ATP2A2: variants seen among roughly 807,000 people sequenced by gnomAD.
ATP2A2 encodes sarcoplasmic/endoplasmic reticulum calcium ATPase 2.
Under a neutral mutation model 109.3 loss-of-function variants are expected in ATP2A2, and 14 were observed. The ratio of observed to expected loss-of-function variants is 0.13; its 90% confidence interval spans 0.08 to 0.20. ATP2A2 has a LOEUF of 0.20. Among genes scored for constraint, ATP2A2 ranks in the 10% least tolerant of loss-of-function variants. The probability of loss-of-function intolerance (pLI) is 1.00; values close to 1 mark genes in which losing one functional copy is unlikely to be tolerated. For synonymous variants in ATP2A2, 506 were observed against 490.9 expected (o/e 1.03, Z -0.41); for missense variants, 657 against 1,321.6 (o/e 0.50, Z 7.80).
Position 110,340,891 on chromosome 12 carries a change from A to G in ATP2A2, c.1994A>G (p.Gln665Arg). The G allele has an allele frequency of 6.2e-7, 1 of 1,614,242 alleles. No individual in the cohort carries two copies. Among genetic ancestry groups the G allele is most frequent in the Middle Eastern group, 1.6e-4 (1 of 6,062 alleles). ...REFDELNPSAQRDACLNARCF... is the reference protein window; with the variant it reads ...REFDELNPSARRDACLNARCF... ...TTTGATGAACTCAACCCCTCCGCCC[A>G]GCGAGACGCCTGCCTGAACGCCCGC... The change falls in exon 14 of 20, where the codon CAG (glutamine) becomes CGG (arginine). Residue 665 changes from glutamine to arginine, a missense_variant. Transcript: ENST00000539276. The surrounding 1 kb of genome is among the most constrained non-coding windows in gnomAD (Gnocchi z 6.0).
Position 110,327,630 on chromosome 12 carries a change from G to A in ATP2A2, c.708G>A (p.Arg236=), listed in dbSNP as rs1338263509. 4.3e-6 allele frequency: 7 copies of A among 1,614,112 alleles called. No individual in the cohort carries two copies. Among genetic ancestry groups the A allele is most frequent in the Non-Finnish European group, 5.9e-6 (7 of 1,180,038 alleles). ...TGVNTEIGKI[R]DEMVATEQER... ...TTAACACCGAAATTGGCAAGATCCG[G>A]GATGAAATGGTGGCAACAGAACAGG... The change falls in exon 8 of 20, where the codon CGG becomes CGA. Residue 236 remains arginine (R), a synonymous_variant. Coordinates refer to ENST00000539276, the MANE Select transcript of ATP2A2 (RefSeq NM_170665.4). This position sits in a 1 kb window ranked among gnomAD's most constrained non-coding sequence, Gnocchi z 4.4.
Position 110,349,888 on chromosome 12 carries a change from G to T in ATP2A2, c.*3418G>T, listed in dbSNP as rs988110534. On this transcript the variant is annotated 3_prime_UTR_variant, in exon 20 of 20. Coordinates refer to ENST00000539276, the MANE Select transcript of ATP2A2 (RefSeq NM_170665.4). ...GCAGGCGAGCAGCCAGAAGCCGGGTGCCCACAGGGCAGGGACAGGAAGGCT... is the reference window on the plus strand; with the variant it reads ...GCAGGCGAGCAGCCAGAAGCCGGGTTCCCACAGGGCAGGGACAGGAAGGCT... 49 of 1,062,320 alleles carry T rather than the reference G, an allele frequency of 4.6e-5. No homozygotes were observed. The highest frequency in any genetic ancestry group is 5.1e-5 in the Non-Finnish European group (45 of 877,186). 65.8% of individuals were successfully genotyped at this position (1,062,320 alleles called of 1,614,324 possible). A position where few individuals can be genotyped will look rare whatever the true frequency, so the allele number is the denominator to read the frequency against.
Position 110,281,735 on chromosome 12 carries a change from C to CGGAGGCGAGGAGGCCGCGGGGACG in ATP2A2, c.-44_-21dup. ...ACGAGCCCGCGGCCGGAGTGCGAGG[C>CGGAGGCGAGGAGGCCGCGGGGACG]GGAGGCGAGGAGGCCGCGGGGACGG... On this transcript the variant is annotated 5_prime_UTR_variant, in exon 1 of 20. Coordinates refer to ENST00000539276, the MANE Select transcript of ATP2A2 (RefSeq NM_170665.4). 1 of 1,308,996 alleles carries CGGAGGCGAGGAGGCCGCGGGGACG rather than the reference C, an allele frequency of 7.6e-7. No individual in the cohort carries two copies. The highest frequency in any genetic ancestry group is 2.9e-5 in the Admixed American group (1 of 34,238). The allele number at this position is 1,308,996 out of a possible 1,614,324, so 81.1% of individuals were successfully genotyped here.
rs755846570 is a variant in ATP2A2 at position 110,342,285 on chromosome 12, A to G, written c.2155A>G (p.Met719Val). The part of the protein sequence containing the change: ...ALKKAEIGIA[M>V]GSGTAVAKTA... ...GAAGAAAGCCGAGATTGGCATTGCT[A>G]TGGGCTCTGGCACTGCGGTGGCTAA... Residue 719 changes from methionine to valine, a missense_variant, in exon 15 of 20, where the codon ATG (methionine) becomes GTG (valine). Physicochemically the swap from Met to Val is conservative, Grantham distance 21. Around this residue, in one of 9 missense-constraint regions of ATP2A2, gnomAD observed 50 missense variants for 176.9 expected, o/e 0.28. Coordinates refer to ENST00000539276, the MANE Select transcript of ATP2A2 (RefSeq NM_170665.4). This position sits in a 1 kb window ranked among gnomAD's most constrained non-coding sequence, Gnocchi z 4.6. 21 of 1,614,252 alleles carry G rather than the reference A, an allele frequency of 1.3e-5. No homozygotes were observed. Among genetic ancestry groups the G allele is most frequent in the Non-Finnish European group, 1.6e-5 (19 of 1,180,048 alleles).
intron 18 of ATP2A2, 42 bp downstream of exon 18, chr12:110,345,424 T>C: frequency 1.2e-6 from 2 of 1,613,156 alleles, no homozygotes; most frequent in Non-Finnish European, 1.7e-6. Context: ...GCATGGTGAC[T>C]GCCAGGGCAC....
At chr12:110,326,606 G>A in intron 7 of ATP2A2, 131 bp downstream of exon 7, 3 of 973,264 alleles carry the variant, frequency 3.1e-6, no homozygotes, top group South Asian at 1.4e-5. Context: ...GTCAGTCTTA[G>A]GTGTCAGAAT....
intron 5 of ATP2A2, among the ~76,000 whole-genome samples, chr12:110,310,196 A>T (rs747516190): frequency 1.3e-5 from 2 of 150,366 alleles, no homozygotes; most frequent in Non-Finnish European, 3.0e-5. Context: ...CATGTTGGCC[A>T]GGCTGGTCTC....
At position 110,327,511 on chromosome 12, in the gene ATP2A2, T is replaced by C; in HGVS notation, c.631-42T>C. 1 of 1,567,710 alleles carries C rather than the reference T, an allele frequency of 6.4e-7. No individual in the cohort carries two copies. The highest frequency in any genetic ancestry group is 8.8e-7 in the Non-Finnish European group (1 of 1,137,718). On this transcript the variant is annotated intron_variant, in intron 7 of 19. Coordinates refer to ENST00000539276, the MANE Select transcript of ATP2A2 (RefSeq NM_170665.4). The surrounding 1 kb of genome is among the most constrained non-coding windows in gnomAD (Gnocchi z 4.4). ...ACCAGCGTCGGTATTTAAGTTGGGA[T>C]GTGGTATTCATCTTGTGACCAGTTC...
Position 110,349,825 on chromosome 12 carries a change from A to G in ATP2A2, c.*3355A>G. On this transcript the variant is annotated 3_prime_UTR_variant, in exon 20 of 20. Transcript: ENST00000539276. ...GGCTTCACCCTCCTTTACTGAGGAG[A>G]ATGATGCGGAGGAGTTTCCTCTCCA... 9.6e-7 allele frequency: 1 copy of G among 1,042,508 alleles called. No homozygotes were observed. The allele number at this position is 1,042,508 out of a possible 1,614,324, so 64.6% of individuals were successfully genotyped here. A position where few individuals can be genotyped will look rare whatever the true frequency, so the allele number is the denominator to read the frequency against.
rs572611649 is a variant in ATP2A2, at chr12:110,349,709, G to A, written c.*3239G>A. 5.0e-6 allele frequency: 5 copies of A among 1,004,840 alleles called. No individual in the cohort carries two copies. The South Asian group carries it at 1.3e-4, about 26-fold the overall frequency. 62.2% of individuals were successfully genotyped at this position (1,004,840 alleles called of 1,614,324 possible). ...ACTGTCCAGGGCCAGAGCATACCAC[G>A]TCTGCAGTGCCTGTGAGCAGAGCCA... On this transcript the variant is annotated 3_prime_UTR_variant, in exon 20 of 20. Coordinates refer to ENST00000539276, the MANE Select transcript of ATP2A2 (RefSeq NM_170665.4).
rs770885424 is a variant in ATP2A2, at chr12:110,346,436, C to T, written c.3095C>T (p.Thr1032Ile). The T allele has an allele frequency of 3.1e-6, 5 of 1,614,096 alleles. No homozygotes were observed. Among genetic ancestry groups the T allele is most frequent in the Admixed American group, 1.7e-5 (1 of 60,000 alleles). Residue 1032 changes from threonine (T) to isoleucine (I), a missense_variant, in exon 20 of 20, where the codon ACA becomes ATA. This residue lies in a region of ATP2A2 where 53 missense variants were observed against 61.2 expected (regional missense o/e 0.87). Coordinates refer to ENST00000539276, the MANE Select transcript of ATP2A2 (RefSeq NM_170665.4). ...IMPLVIWVYSTDTNFSDMFWS is the reference protein window; with the variant it reads ...IMPLVIWVYSIDTNFSDMFWS ...CCCCTGGTGATCTGGGTCTATAGCA[C>T]AGACACTAACTTTAGCGATATGTTC... is the stretch of plus-strand genomic sequence containing the variant.
At chr12:110,312,837 G>T (rs1167561907) in intron 5 of ATP2A2, among the ~76,000 whole-genome samples, 1 of 143,770 alleles carries the variant, frequency 7.0e-6, no homozygotes, top group Non-Finnish European at 1.5e-5. Context: ...GGGACAGAGC[G>T]AGACTCTGTT....
At chr12:110,333,944 A>T in intron 10 of ATP2A2, 68 bp from the exon 11 acceptor site, 1 of 1,606,814 alleles carries the variant, frequency 6.2e-7, no homozygotes, top group Non-Finnish European at 8.5e-7. Context: ...TGGAAAAAAA[A>T]TATTAAAGAT....
At chr12:110,322,068 G>A (rs1234311750) in intron 5 of ATP2A2, among the ~76,000 whole-genome samples, 1 of 151,814 alleles carries the variant, frequency 6.6e-6, no homozygotes, top group African/African-American at 2.4e-5. Flanking sequence ...TCAGCTCACT[G>A]CAAGCTCCGC....
chr12:110,348,448 T>G lies in ATP2A2; in HGVS notation c.*1978T>G. Reference sequence around the variant, plus strand: ...AGGCTCTGGTTACTGGGATGGCCAGTAGATGTAATGCAGATGGTTGGAGTT... The same window carrying G: ...AGGCTCTGGTTACTGGGATGGCCAGGAGATGTAATGCAGATGGTTGGAGTT... On this transcript the variant is annotated 3_prime_UTR_variant, in exon 20 of 20. Transcript: ENST00000539276. The G allele has an allele frequency of 6.1e-6, 6 of 985,374 alleles. No homozygotes were observed. The highest frequency in any genetic ancestry group is 7.2e-6 in the Non-Finnish European group (6 of 830,028). 61.0% of individuals were successfully genotyped at this position (985,374 alleles called of 1,614,324 possible).
At chr12:110,283,859 G>A (rs1280866037) in intron 3 of ATP2A2, among the ~76,000 whole-genome samples, 4 of 152,138 alleles carry the variant, frequency 2.6e-5, no homozygotes, top group Non-Finnish European at 5.9e-5. Flanking sequence ...ACCATAGAGG[G>A]CTATTTTGAG....
intron 11 of ATP2A2, 60 bp downstream of exon 11, chr12:110,334,203 A>G: frequency 1.3e-6 from 2 of 1,595,464 alleles, no homozygotes; most frequent in Non-Finnish European, 1.7e-6. Flanking sequence ...ATATATACTT[A>G]GTGTCTGCAC....
At chr12:110,290,199 G>T (rs557889542) in intron 3 of ATP2A2, among the ~76,000 whole-genome samples, 1 of 152,300 alleles carries the variant, frequency 6.6e-6, no homozygotes, top group African/African-American at 2.4e-5. Context: ...GAATTAACTG[G>T]TTTTTTGTTT....
chr12:110,298,127 C>T (rs1874165083), intron 5 of ATP2A2, among the ~76,000 whole-genome samples: 1 of 152,072 alleles, frequency 6.6e-6, no homozygotes, highest in Admixed American at 6.6e-5. Flanking sequence ...GAAGGGTGTG[C>T]TTTGTCTTTA....
Sources: allele counts gnomAD v4.1 joint callset (sites outside exome capture counted in the v4.1 genomes callset), GRCh38; gene constraint gnomAD v4.1.1; regional missense constraint gnomAD v4.1.1; non-coding constraint Gnocchi (gnomAD v3.1); transcripts MANE v1.5; gene names NCBI Gene and HGNC (gene_info 2026-07-23, HGNC 2026-07-21).